The following ERCC6L2 variants were observed in gnomAD, a reference collection of about 807,000 sequenced individuals.
ERCC6L2 encodes the protein DNA excision repair protein ERCC-6-like 2.
In ERCC6L2, 77 loss-of-function variants were observed where a neutral mutation model predicts 132.0. That is an observed-to-expected ratio of 0.58 (90% CI 0.49 to 0.71). ERCC6L2 has a LOEUF of 0.71. Among genes scored for constraint, ERCC6L2 ranks in the 30% least tolerant of loss-of-function variants. The pLI is 0.00. For synonymous variants in ERCC6L2, 583 were observed against 632.4 expected, an observed-to-expected ratio of 0.92 and a Z score of 1.17; for missense variants, 1,542 against 1,837.6, an observed-to-expected ratio of 0.84 and a Z score of 2.94.
intron 17 of ERCC6L2, among the ~76,000 whole-genome samples, chr9:95,987,305 C>T (rs543479273): frequency 3.9e-5 from 6 of 152,316 alleles, no homozygotes; most frequent in Admixed American, 3.9e-4. Flanking sequence ...AGTCCAAAGT[C>T]TCATTTGAGA....
At chr9:96,004,405 A>T (rs1249073685) in intron 17 of ERCC6L2, 115 bp from the exon 18 acceptor site, 1 of 496,298 alleles carries the variant, frequency 2.0e-6, no homozygotes, top group African/African-American at 2.0e-5. Flanking sequence ...TTTCAGTTGG[A>T]GAATATGATT....
At chr9:95,942,678 T>C (rs560305457) in intron 12 of ERCC6L2, among the ~76,000 whole-genome samples, 1 of 151,998 alleles carries the variant, frequency 6.6e-6, no homozygotes, top group South Asian at 2.1e-4. Flanking sequence ...TGAGGAAAAA[T>C]CCCAGAAATC....
rs79431108 is a variant in ERCC6L2 at position 96,016,038 on chromosome 9, A to C, written c.*2835A>C. Among the ~76,000 whole-genome samples the C allele has an allele frequency of 0.03, 4,577 of 152,170 alleles. 93 individuals carry two copies. Among genetic ancestry groups the C allele is most frequent in the East Asian group, 0.13 (669 of 5,160 alleles). On this transcript the variant is annotated 3_prime_UTR_variant, in exon 19 of 19. Coordinates refer to ENST00000653738, the MANE Select transcript of ERCC6L2 (RefSeq NM_020207.7). ...GAAAGATTTGGTACAACCATTGATG[A>C]CCTGAGAACAGACACTAGGAAGGTT...
chr9:95,933,399 G>C (rs1460010322), intron 11 of ERCC6L2, among the ~76,000 whole-genome samples: 9 of 152,128 alleles, frequency 5.9e-5, no homozygotes, highest in Admixed American at 4.6e-4. Flanking sequence ...GTTTTCCAAA[G>C]GAGAAAATTC....
chr9:95,998,529 A>G (rs73536550), intron 17 of ERCC6L2, among the ~76,000 whole-genome samples: 3,122 of 152,338 alleles, frequency 0.02, 127 homozygotes, highest in African/African-American at 0.072. Context: ...AGTTATTAAA[A>G]GCAGAGCGCC....
intron 6 of ERCC6L2, among the ~76,000 whole-genome samples, chr9:95,917,552 A>G (rs1200677561): frequency 6.6e-6 from 1 of 152,228 alleles, no homozygotes; most frequent in East Asian, 1.9e-4. Flanking sequence ...ATCTAAAGCA[A>G]ATATTGTTAC....
At chr9:96,027,159 CCACACCACACACACA>C (rs1330091832) in intron 19 of ERCC6L2, among the ~76,000 whole-genome samples, 2 of 147,344 alleles carry the variant, frequency 1.4e-5, no homozygotes, top group African/African-American at 2.5e-5. Flanking sequence ...CCCACATGCA[CCACACCACACACACA>C]CACACCACAC....
intron 4 of ERCC6L2, among the ~76,000 whole-genome samples, chr9:95,908,394 G>A (rs1829185232): frequency 6.6e-6 from 1 of 152,162 alleles, no homozygotes; most frequent in South Asian, 2.1e-4. Flanking sequence ...ACAGCAAGAA[G>A]GCAGTCATCT....
At chr9:96,038,772 G>C in intron 19 of ERCC6L2, 1 of 433,146 alleles carries the variant, frequency 2.3e-6, no homozygotes, top group Non-Finnish European at 4.7e-6. Context: ...CTTTTCAAAA[G>C]GTGGAGTCTA....
At chr9:96,034,211 CA>C (rs1410189221) in intron 19 of ERCC6L2, among the ~76,000 whole-genome samples, 1 of 152,262 alleles carries the variant, frequency 6.6e-6, no homozygotes, top group Non-Finnish European at 1.5e-5. Flanking sequence ...TGACGTTCCC[CA>C]GAGGGTTCAC....
chr9:95,998,951 ATT>A (rs1833560923), intron 17 of ERCC6L2, among the ~76,000 whole-genome samples: 1 of 152,192 alleles, frequency 6.6e-6, no homozygotes, highest in African/African-American at 2.4e-5. Context: ...TAATATAACT[ATT>A]TTGTTTCACA....
chr9:95,888,020 T>C (rs963811141), intron 2 of ERCC6L2, among the ~76,000 whole-genome samples: 1 of 151,934 alleles, frequency 6.6e-6, no homozygotes, highest in African/African-American at 2.4e-5. Context: ...AGGGGAGAGC[T>C]TTGTAAAGAT....
intron 12 of ERCC6L2, among the ~76,000 whole-genome samples, chr9:95,953,787 C>A (rs1421626314): frequency 1.3e-5 from 2 of 151,864 alleles, no homozygotes; most frequent in Non-Finnish European, 2.9e-5. Flanking sequence ...GTAACTAATT[C>A]ATTGAAAAGA....
intron 14 of ERCC6L2, among the ~76,000 whole-genome samples, chr9:95,969,703 C>T (rs17304942): frequency 0.093 from 14,156 of 152,158 alleles, 760 homozygotes; most frequent in Admixed American, 0.14. Context: ...GCTGTAATAG[C>T]TTCCAGGCAT....
Position 96,014,050 on chromosome 9 carries a change from C to T in ERCC6L2, c.*847C>T, listed in dbSNP as rs1834122451. The T allele has an allele frequency of 6.6e-6, 1 of 152,126 alleles. No homozygotes were observed. The highest frequency in any genetic ancestry group is 2.4e-5 in the African/African-American group (1 of 41,420). The allele number at this position is 152,126 out of a possible 1,614,324, so 9.4% of individuals were successfully genotyped here. A position where few individuals can be genotyped will look rare whatever the true frequency, so the allele number is the denominator to read the frequency against. On this transcript the variant is annotated 3_prime_UTR_variant, in exon 19 of 19. Coordinates refer to ENST00000653738, the MANE Select transcript of ERCC6L2 (RefSeq NM_020207.7). ...AAATGAATGTGCTTATTGTTGAATG[C>T]ATGTATTTAGAAGCCTTTACTCAGC...
intron 6 of ERCC6L2, among the ~76,000 whole-genome samples, chr9:95,919,662 C>T (rs1829768467): frequency 6.6e-6 from 1 of 152,170 alleles, no homozygotes; most frequent in Non-Finnish European, 1.5e-5. Flanking sequence ...TTTGAAGATA[C>T]CGTCGTTGTT....
intron 4 of ERCC6L2, among the ~76,000 whole-genome samples, chr9:95,908,346 G>C (rs1829181719): frequency 6.6e-6 from 1 of 151,462 alleles, no homozygotes; most frequent in Non-Finnish European, 1.5e-5. Flanking sequence ...AGACACCAAG[G>C]ACACACACAC....
intron 2 of ERCC6L2, among the ~76,000 whole-genome samples, chr9:95,891,606 T>C (rs901317658): frequency 9.9e-5 from 15 of 152,118 alleles, no homozygotes; most frequent in East Asian, 3.9e-4. Context: ...TTTTTTTTTT[T>C]CGAGGAACTG....
At chr9:95,945,335 C>A (rs1208964505) in intron 12 of ERCC6L2, among the ~76,000 whole-genome samples, 1 of 152,212 alleles carries the variant, frequency 6.6e-6, no homozygotes, top group East Asian at 1.9e-4. Flanking sequence ...CTCTCCTGTT[C>A]CCTGAACTTT....
Sources: allele counts gnomAD v4.1 joint callset (sites outside exome capture counted in the v4.1 genomes callset), GRCh38; gene constraint gnomAD v4.1.1; transcripts MANE v1.5; gene names NCBI Gene and HGNC (gene_info 2026-07-23, HGNC 2026-07-21).